The following SPATA12 variants were observed in gnomAD, a reference collection of about 807,000 sequenced individuals.
The protein encoded by SPATA12 is spermatogenesis associated 12.
For synonymous variants in SPATA12, 85 were observed against 89.2 expected (o/e 0.95, Z 0.26); for missense variants, 219 against 226.4 (o/e 0.97, Z 0.21).
intron 1 of SPATA12, among the ~76,000 whole-genome samples, chr3:57,066,434 T>C (rs1705541636): frequency 6.6e-6 from 1 of 152,176 alleles, no homozygotes; most frequent in African/African-American, 2.4e-5. Flanking sequence ...GCTTAATTTT[T>C]GTATTTTTAG....
intron 1 of SPATA12, among the ~76,000 whole-genome samples, chr3:57,064,679 C>T (rs4681717): frequency 0.22 from 33,522 of 152,068 alleles, 4,255 homozygotes; most frequent in East Asian, 0.48. Context: ...GTGAAATAAG[C>T]CAGTCACAAA....
intron 1 of SPATA12, among the ~76,000 whole-genome samples, chr3:57,067,312 G>C (rs1475452155): frequency 6.6e-6 from 1 of 151,528 alleles, no homozygotes; most frequent in Non-Finnish European, 1.5e-5. Context: ...AAAATTAGCC[G>C]GGCGTGGTGG....
chr3:57,064,692 G>A (rs1579201599), intron 1 of SPATA12, among the ~76,000 whole-genome samples: 1 of 152,290 alleles, frequency 6.6e-6, no homozygotes, highest in Admixed American at 6.5e-5. Flanking sequence ...GTCACAAAAG[G>A]ACAAATATGG....
At chr3:57,071,095 A>C (rs1705874867) in intron 1 of SPATA12, among the ~76,000 whole-genome samples, 1 of 152,198 alleles carries the variant, frequency 6.6e-6, no homozygotes, top group African/African-American at 2.4e-5. Context: ...ATAGACAGCA[A>C]TACTGGCATA....
Position 57,073,624 on chromosome 3 carries a change from C to A in SPATA12, c.-71C>A. 6.5e-7 allele frequency: 1 copy of A among 1,528,100 alleles called. No individual in the cohort carries two copies. Among genetic ancestry groups the A allele is most frequent in the South Asian group, 1.3e-5 (1 of 75,898 alleles). 94.7% of individuals were successfully genotyped at this position (1,528,100 alleles called of 1,614,324 possible). A position where few individuals can be genotyped will look rare whatever the true frequency, so the allele number is the denominator to read the frequency against. On this transcript the variant is annotated 5_prime_UTR_variant, in exon 2 of 2. Transcript: ENST00000334325. Reference sequence around the variant, plus strand: ...CCAGGTTGCAAGAGTGCTGCATGCTCCTCAGGGATTGGCTCCGGCCAAGTG... The same window carrying A: ...CCAGGTTGCAAGAGTGCTGCATGCTACTCAGGGATTGGCTCCGGCCAAGTG...
At chr3:57,066,894 C>A (rs1363111159) in intron 1 of SPATA12, among the ~76,000 whole-genome samples, 5 of 152,148 alleles carry the variant, frequency 3.3e-5, no homozygotes, top group African/African-American at 1.2e-4. Context: ...TGCCAGTCTA[C>A]CTTGCTGATT....
rs377573573 is a variant in SPATA12, at chr3:57,073,951, T to G, written c.257T>G (p.Leu86Ter). ...VCQSETCQRYLQAAISLDIAV... is the reference protein window; with the variant it reads ...VCQSETCQRY ...CAAAGTGAGACCTGTCAGAGATATT[T>G]ACAAGCAGCCATCTCTCTTGACATC... Residue 86 changes from leucine to a stop codon, truncating the protein, a stop_gained, in exon 2 of 2, where the codon TTA becomes TGA. Coordinates refer to ENST00000334325, the MANE Select transcript of SPATA12 (RefSeq NM_181727.2). LOFTEE classifies it low-confidence loss of function (END_TRUNC). 2.4e-5 allele frequency: 38 copies of G among 1,614,102 alleles called. No individual in the cohort carries two copies. Among genetic ancestry groups the G allele is most frequent in the Non-Finnish European group, 3.1e-5 (36 of 1,180,054 alleles).
chr3:57,067,370 G>A (rs1705601696), intron 1 of SPATA12, among the ~76,000 whole-genome samples: 1 of 151,290 alleles, frequency 6.6e-6, no homozygotes, highest in South Asian at 2.1e-4. Context: ...CGGGAGAATG[G>A]CGTGAACCCA....
chr3:57,069,069 C>T (rs1160266477), intron 1 of SPATA12, among the ~76,000 whole-genome samples: 1 of 152,018 alleles, frequency 6.6e-6, no homozygotes, highest in Non-Finnish European at 1.5e-5. Flanking sequence ...ATTACAGGCA[C>T]TCACCACCAC....
chr3:57,074,424 C>A lies in SPATA12; in HGVS notation c.*157C>A. The A allele has an allele frequency of 1.5e-6, 1 of 646,600 alleles. No homozygotes were observed. The highest frequency in any genetic ancestry group is 4.2e-4 in the Middle Eastern group (1 of 2,382). The allele number at this position is 646,600 out of a possible 1,614,324, so 40.1% of individuals were successfully genotyped here. On this transcript the variant is annotated 3_prime_UTR_variant, in exon 2 of 2. Transcript: ENST00000334325. ...GATATCACTTTTTCCAAGAAGCCTC[C>A]CTGTCACACTTCCCCAATATCACAG...
intron 1 of SPATA12, among the ~76,000 whole-genome samples, chr3:57,061,220 T>C (rs1431740783): frequency 6.6e-6 from 1 of 152,224 alleles, no homozygotes; most frequent in Non-Finnish European, 1.5e-5. Flanking sequence ...AGTGTCCTTT[T>C]GTGACTGACT....
chr3:57,062,010 C>A (rs781012771), intron 1 of SPATA12, among the ~76,000 whole-genome samples: 1 of 152,124 alleles, frequency 6.6e-6, no homozygotes, highest in Non-Finnish European at 1.5e-5. Flanking sequence ...AGGGTTTCCA[C>A]ATCTTTCCTT....
Position 57,074,688 on chromosome 3 carries a change from T to C in SPATA12, c.*421T>C. 1 of 194,528 alleles carries C rather than the reference T, an allele frequency of 5.1e-6. No individual in the cohort carries two copies. Among genetic ancestry groups the C allele is most frequent in the Non-Finnish European group, 1.2e-5 (1 of 84,416 alleles). The allele number at this position is 194,528 out of a possible 1,614,324, so 12.1% of individuals were successfully genotyped here. On this transcript the variant is annotated 3_prime_UTR_variant, in exon 2 of 2. Coordinates refer to ENST00000334325, the MANE Select transcript of SPATA12 (RefSeq NM_181727.2). ...AGTAATTACTTTCCCTCTGGGTAAG[T>C]GCCACTAGGTGATGAGGTGAGGTAA...
rs775337587 is a variant in SPATA12, at chr3:57,060,713, C to G, written c.-403C>G. The G allele has an allele frequency of 1.3e-5, 2 of 152,232 alleles. No individual in the cohort carries two copies. Among genetic ancestry groups the G allele is most frequent in the Non-Finnish European group, 2.9e-5 (2 of 68,100 alleles). 9.4% of individuals were successfully genotyped at this position (152,232 alleles called of 1,614,324 possible). A position where few individuals can be genotyped will look rare whatever the true frequency, so the allele number is the denominator to read the frequency against. On this transcript the variant is annotated 5_prime_UTR_variant, in exon 1 of 2. Transcript: ENST00000334325. ...GCAGGCTCACCTTCCCCTCATCTCC[C>G]CCACTCTTCCTGATCCTGCAGCGTC...
At position 57,073,460 on chromosome 3, in the gene SPATA12, A is replaced by G. The variant is rs1418215523; in HGVS notation, c.-235A>G. On this transcript the variant is annotated 5_prime_UTR_variant, in exon 2 of 2. Transcript: ENST00000334325. Reference sequence around the variant, plus strand: ...GCGTGAAAGAGCTTCCAAGTAGTGGAAACAGCAGAAGCAAAGATGTGAACA... The same window carrying G: ...GCGTGAAAGAGCTTCCAAGTAGTGGGAACAGCAGAAGCAAAGATGTGAACA... 1.3e-5 allele frequency: 7 copies of G among 546,154 alleles called. No individual in the cohort carries two copies. The East Asian group carries it at 2.3e-4, about 18-fold the overall frequency. The allele number at this position is 546,154 out of a possible 1,614,324, so 33.8% of individuals were successfully genotyped here. A position where few individuals can be genotyped will look rare whatever the true frequency, so the allele number is the denominator to read the frequency against.
intron 1 of SPATA12, among the ~76,000 whole-genome samples, chr3:57,061,810 G>A (rs1705237081): frequency 6.6e-6 from 1 of 152,180 alleles, no homozygotes; most frequent in South Asian, 2.1e-4. Flanking sequence ...TAGTCCTGAG[G>A]TGTGGTATAA....
rs530275314 is a variant in SPATA12 at position 57,061,304 on chromosome 3, A to AT, written c.-330+529dup. On this transcript the variant is annotated intron_variant, in intron 1 of 1. Coordinates refer to ENST00000334325, the MANE Select transcript of SPATA12 (RefSeq NM_181727.2). ...GTCAAAAATTCCTTTATTTATTATTATTTTTTTTTTTGCAATGGGGTCTGG... is the reference window on the plus strand; with the variant it reads ...GTCAAAAATTCCTTTATTTATTATTATTTTTTTTTTTTGCAATGGGGTCTGG... 2.8e-4 allele frequency among the ~76,000 whole-genome samples: 43 copies of AT among 151,384 alleles called. 1 individual carries two copies. Among genetic ancestry groups the AT allele is most frequent in the African/African-American group, 9.0e-4 (37 of 41,294 alleles).
intron 1 of SPATA12, among the ~76,000 whole-genome samples, chr3:57,071,333 T>C (rs1705889374): frequency 1.3e-5 from 2 of 152,202 alleles, no homozygotes; most frequent in South Asian, 2.1e-4. Flanking sequence ...AAGTTCTAAA[T>C]CTAAGAGCTA....
chr3:57,063,912 T>C (rs901942223), intron 1 of SPATA12, among the ~76,000 whole-genome samples: 3 of 152,176 alleles, frequency 2.0e-5, no homozygotes, highest in Non-Finnish European at 2.9e-5. Flanking sequence ...CCATGACAGA[T>C]GAATGGTAGA....
Sources: gnomAD v4.1 joint callset for allele counts (sites outside exome capture counted in the v4.1 genomes callset) on GRCh38, gnomAD v4.1.1 for gene constraint, MANE v1.5 for transcripts, NCBI Gene and HGNC (gene_info 2026-07-23, HGNC 2026-07-21) for gene names.